The following KCNH7 variants were observed in gnomAD, a reference collection of about 807,000 sequenced individuals.
KCNH7 encodes voltage-gated inwardly rectifying potassium channel KCNH7.
Under a neutral mutation model 120.8 loss-of-function variants are expected in KCNH7, and 49 were observed. The ratio of observed to expected loss-of-function variants is 0.41; its 90% CI spans 0.32 to 0.51. The LOEUF (loss-of-function observed/expected upper bound fraction) is 0.51, where lower values mean the gene tolerates loss of function less well. Ranked by LOEUF, KCNH7 falls within the 20% of genes least tolerant of loss-of-function variation. The probability of loss-of-function intolerance (pLI) is 0.38; values close to 1 mark genes in which losing one functional copy is unlikely to be tolerated. For missense variants in KCNH7, 1,097 were observed against 1,446.6 expected (o/e 0.76, Z 3.92); for synonymous variants, 547 against 516.1 (o/e 1.06, Z -0.81).
At chr2:162,681,484 T>C (rs935390184) in intron 2 of KCNH7, among the ~76,000 whole-genome samples, 2 of 151,888 alleles carry the variant, frequency 1.3e-5, no homozygotes, top group African/African-American at 4.8e-5. Flanking sequence ...CACTGTTCTC[T>C]ATGTATATTT....
At chr2:162,506,134 G>A (rs1690873588) in intron 5 of KCNH7, among the ~76,000 whole-genome samples, 1 of 151,844 alleles carries the variant, frequency 6.6e-6, no homozygotes, top group Non-Finnish European at 1.5e-5. Context: ...CGATGACCAA[G>A]TCCATCTAGA....
intron 2 of KCNH7, among the ~76,000 whole-genome samples, chr2:162,770,502 G>T (rs1415159003): frequency 2.0e-5 from 3 of 151,950 alleles, no homozygotes; most frequent in Non-Finnish European, 2.9e-5. Context: ...TGGGTCAAAC[G>T]TCTAACCTCT....
chr2:162,723,862 A>G (rs1330351433), intron 2 of KCNH7, among the ~76,000 whole-genome samples: 1 of 152,206 alleles, frequency 6.6e-6, no homozygotes, highest in African/African-American at 2.4e-5. Context: ...AGAACTATGA[A>G]GGCTACAATC....
chr2:162,558,829 C>T (rs571217884), intron 2 of KCNH7, among the ~76,000 whole-genome samples: 1 of 151,154 alleles, frequency 6.6e-6, no homozygotes, highest in South Asian at 2.1e-4. Context: ...TTTGGGAGGC[C>T]GAGGTGGGCT....
intron 2 of KCNH7, among the ~76,000 whole-genome samples, chr2:162,833,094 T>C (rs17402586): frequency 0.12 from 18,532 of 152,138 alleles, 1,595 homozygotes; most frequent in Non-Finnish European, 0.19. Context: ...TCCTACTGAG[T>C]AAAGACGTTT....
At chr2:162,801,355 T>C (rs1031965416) in intron 2 of KCNH7, among the ~76,000 whole-genome samples, 2 of 151,692 alleles carry the variant, frequency 1.3e-5, no homozygotes, top group African/African-American at 2.4e-5. Flanking sequence ...TTCTCAACAA[T>C]TGTCTATTTT....
intron 2 of KCNH7, among the ~76,000 whole-genome samples, chr2:162,718,048 C>CTCTTTT (rs1553517457): frequency 3.4e-5 from 5 of 148,386 alleles, no homozygotes; most frequent in African/African-American, 1.2e-4. Context: ...CTCTCTCTCT[C>CTCTTTT]TTTTTTTTTT....
intron 6 of KCNH7, among the ~76,000 whole-genome samples, chr2:162,503,721 C>T (rs948063522): frequency 2.5e-4 from 38 of 151,994 alleles, no homozygotes; most frequent in African/African-American, 7.5e-4. Flanking sequence ...GCAAATATAC[C>T]GAGTAAATTG....
chr2:162,408,701 G>A (rs180893500), intron 9 of KCNH7, among the ~76,000 whole-genome samples: 41 of 151,842 alleles, frequency 2.7e-4, no homozygotes, highest in African/African-American at 9.9e-4. Flanking sequence ...TATAAAGGTG[G>A]GTCATTAAGA....
chr2:162,820,926 A>C (rs1170684467), intron 2 of KCNH7, among the ~76,000 whole-genome samples: 2 of 151,002 alleles, frequency 1.3e-5, no homozygotes, highest in Admixed American at 6.6e-5. Context: ...ATTATTTTTT[A>C]TTGTTTTTAT....
At chr2:162,821,835 T>C (rs2105594131) in intron 2 of KCNH7, among the ~76,000 whole-genome samples, 1 of 152,168 alleles carries the variant, frequency 6.6e-6, no homozygotes, top group South Asian at 2.1e-4. Context: ...CACTAAATCC[T>C]GGGGAGTGGA....
chr2:162,796,863 AC>A (rs1260383842), intron 2 of KCNH7: 5 of 151,590 alleles, frequency 3.3e-5, no homozygotes, highest in South Asian at 2.1e-4. Flanking sequence ...TAAATTCTAA[AC>A]CCTTTTTTGT....
chr2:162,649,510 C>T (rs1010314646), intron 2 of KCNH7, among the ~76,000 whole-genome samples: 3 of 152,208 alleles, frequency 2.0e-5, no homozygotes, highest in African/African-American at 7.2e-5. Flanking sequence ...AGTCACATTG[C>T]CTGTGTATAA....
intron 2 of KCNH7, among the ~76,000 whole-genome samples, chr2:162,688,607 C>T (rs1685982934): frequency 1.3e-5 from 2 of 152,058 alleles, no homozygotes; most frequent in African/African-American, 2.4e-5. Flanking sequence ...ACTTTGTCCT[C>T]GATTCAAGCC....
chr2:162,479,601 A>C (rs1358735143), intron 6 of KCNH7, among the ~76,000 whole-genome samples: 1 of 152,124 alleles, frequency 6.6e-6, no homozygotes, highest in East Asian at 1.9e-4. Flanking sequence ...AGGAAACAAT[A>C]AATGATGTCT....
chr2:162,604,019 G>A (rs76289759), intron 2 of KCNH7, among the ~76,000 whole-genome samples: 3,453 of 152,054 alleles, frequency 0.023, 126 homozygotes, highest in East Asian at 0.18. Context: ...TGTTTTAATT[G>A]CTCTTTGATT....
chr2:162,562,124 G>C (rs1693092522), intron 2 of KCNH7, among the ~76,000 whole-genome samples: 1 of 152,152 alleles, frequency 6.6e-6, no homozygotes, highest in East Asian at 1.9e-4. Flanking sequence ...ACGGGTTGAT[G>C]GGTGCAGCAA....
Position 162,397,054 on chromosome 2 carries a change from C to G in KCNH7, c.2408-109G>C. The G allele has an allele frequency of 6.9e-6, 5 of 721,980 alleles. No individual in the cohort carries two copies. The South Asian group carries it at 9.1e-5, about 13-fold the overall frequency. 44.7% of individuals were successfully genotyped at this position (721,980 alleles called of 1,614,324 possible). ...ACAATTGATCAATCCCTGAACCAGACTTGGTGAGCAATGTTCCAGCACCTT... is the reference window on the plus strand; with the variant it reads ...ACAATTGATCAATCCCTGAACCAGAGTTGGTGAGCAATGTTCCAGCACCTT... On this transcript the variant is annotated intron_variant, in intron 10 of 15. Transcript: ENST00000332142.
At chr2:162,534,884 CA>C (rs1692055672) in intron 3 of KCNH7, among the ~76,000 whole-genome samples, 1 of 151,650 alleles carries the variant, frequency 6.6e-6, no homozygotes, top group Non-Finnish European at 1.5e-5. Flanking sequence ...AACCCAACAA[CA>C]TATTACAAAA....
Sources: gnomAD v4.1 joint callset for allele counts (sites outside exome capture counted in the v4.1 genomes callset) on GRCh38, gnomAD v4.1.1 for gene constraint, MANE v1.5 for transcripts, NCBI Gene and HGNC (gene_info 2026-07-23, HGNC 2026-07-21) for gene names.